Variants in GRID1 observed in about 807,000 individuals in gnomAD.
GRID1 encodes glutamate ionotropic receptor delta type subunit 1.
In GRID1, 28 loss-of-function variants were observed where a neutral mutation model predicts 98.0. That is an observed-to-expected ratio of 0.29 (90% CI 0.21 to 0.39). The LOEUF is 0.39. Among genes scored for constraint, GRID1 ranks in the 10% least tolerant of loss-of-function variants. The probability of loss-of-function intolerance (pLI) is 1.00; values close to 1 mark genes in which losing one functional copy is unlikely to be tolerated. For synonymous variants in GRID1, 553 were observed against 538.5 expected (o/e 1.03, Z -0.37); for missense variants, 1,111 against 1,340.5 (o/e 0.83, Z 2.67).
intron 4 of GRID1, among the ~76,000 whole-genome samples, chr10:86,133,632 A>T (rs549502817): frequency 6.6e-6 from 1 of 152,378 alleles, no homozygotes; most frequent in East Asian, 1.9e-4. Context: ...GTACACACAC[A>T]CAAAAACAGC....
intron 4 of GRID1, among the ~76,000 whole-genome samples, chr10:85,963,483 G>A (rs1400730554): frequency 6.6e-6 from 1 of 152,130 alleles, no homozygotes; most frequent in Non-Finnish European, 1.5e-5. Context: ...AGTCAGACTT[G>A]TGCTCAAACC....
intron 12 of GRID1, among the ~76,000 whole-genome samples, chr10:85,693,576 T>C (rs1194338539): frequency 1.3e-5 from 2 of 151,750 alleles, no homozygotes; most frequent in East Asian, 3.9e-4. Context: ...GGTACTGGTA[T>C]AAAAATAAAT....
chr10:86,053,850 A>G (rs1843537327), intron 4 of GRID1, among the ~76,000 whole-genome samples: 1 of 152,186 alleles, frequency 6.6e-6, no homozygotes, highest in African/African-American at 2.4e-5. Context: ...ACACATGCTC[A>G]TATGTGTGCA....
At chr10:85,633,014 T>C (rs1369499729) in intron 13 of GRID1, among the ~76,000 whole-genome samples, 2 of 152,206 alleles carry the variant, frequency 1.3e-5, no homozygotes, top group African/African-American at 2.4e-5. Flanking sequence ...CTGAAGATAA[T>C]GGCTTCCAGC....
At chr10:85,736,441 C>T (rs1381093746) in intron 8 of GRID1, among the ~76,000 whole-genome samples, 2 of 152,126 alleles carry the variant, frequency 1.3e-5, no homozygotes, top group Non-Finnish European at 2.9e-5. Context: ...AGTTGGTAAG[C>T]TTGTCTCAAG....
intron 2 of GRID1, among the ~76,000 whole-genome samples, chr10:86,253,936 G>C (rs1846875116): frequency 6.6e-6 from 1 of 151,964 alleles, no homozygotes; most frequent in Non-Finnish European, 1.5e-5. Context: ...CCTCCATCTG[G>C]GACAGGCAGC....
intron 4 of GRID1, among the ~76,000 whole-genome samples, chr10:86,026,195 C>A (rs1160197624): frequency 6.6e-6 from 1 of 152,190 alleles, no homozygotes; most frequent in African/African-American, 2.4e-5. Flanking sequence ...GATATAAGCG[C>A]CACACCACAA....
Position 85,771,334 on chromosome 10 carries a change from G to T in GRID1, c.1234-41720C>A, listed in dbSNP as rs190053977. 3.1e-3 allele frequency among the ~76,000 whole-genome samples: 465 copies of T among 152,242 alleles called. 3 individuals are homozygous for T. Among genetic ancestry groups the T allele is most frequent in the African/African-American group, 0.011 (445 of 41,534 alleles). On this transcript the variant is annotated intron_variant, in intron 8 of 15. Transcript: ENST00000327946. ...GCTCCTGAAGGAAGCACTAAACATG[G>T]AAAGGAACAACCGGTACCAGCCACT... is the stretch of plus-strand genomic sequence containing the variant.
chr10:85,784,012 C>G (rs1484180928), intron 8 of GRID1, among the ~76,000 whole-genome samples: 1 of 152,168 alleles, frequency 6.6e-6, no homozygotes, highest in Non-Finnish European at 1.5e-5. Flanking sequence ...TGTTCAGCTT[C>G]TTCGTGATTT....
rs544945680 is a variant in GRID1, at chr10:85,751,844, C to T, written c.1234-22230G>A. On this transcript the variant is annotated intron_variant, in intron 8 of 15. Transcript: ENST00000327946. ...AACTTTCCATAATGAGCTTGATGTG[C>T]TTTTATAATGAGCAAAATTAAGTAT... 8.5e-5 allele frequency among the ~76,000 whole-genome samples: 13 copies of T among 152,052 alleles called. No individual in the cohort carries two copies. The South Asian group carries it at 2.7e-3, about 32-fold the overall frequency.
intron 8 of GRID1, among the ~76,000 whole-genome samples, chr10:85,776,954 G>A (rs1328227631): frequency 6.6e-6 from 1 of 152,228 alleles, no homozygotes; most frequent in East Asian, 1.9e-4. Context: ...AAATGCATTT[G>A]CTACCTATAG....
chr10:86,130,796 C>T (rs1844824088), intron 4 of GRID1, among the ~76,000 whole-genome samples: 1 of 152,184 alleles, frequency 6.6e-6, no homozygotes, highest in Admixed American at 6.5e-5. Flanking sequence ...ACGCTTAAGC[C>T]ATCTGCAGAT....
At chr10:85,619,626 G>A (rs1034028311) in intron 14 of GRID1, among the ~76,000 whole-genome samples, 4 of 152,122 alleles carry the variant, frequency 2.6e-5, no homozygotes. Context: ...TATGCCCTAG[G>A]CTGGCATTAC....
intron 8 of GRID1, among the ~76,000 whole-genome samples, chr10:85,831,530 G>A (rs1564603922): frequency 6.6e-6 from 1 of 151,900 alleles, no homozygotes; most frequent in Non-Finnish European, 1.5e-5. Context: ...CTTTTCAAGG[G>A]CACATGAAAT....
intron 5 of GRID1, among the ~76,000 whole-genome samples, chr10:85,872,878 C>T (rs1843292324): frequency 6.6e-6 from 1 of 152,218 alleles, no homozygotes. Context: ...CTACCCACCT[C>T]CTTGCACTTG....
chr10:85,934,028 G>A (rs910623538), intron 4 of GRID1, among the ~76,000 whole-genome samples: 2 of 152,164 alleles, frequency 1.3e-5, no homozygotes, highest in African/African-American at 2.4e-5. Flanking sequence ...CAGTGAGGGT[G>A]AATTTGCAGG....
rs967967884 is a variant in GRID1 at position 86,096,334 on chromosome 10, A to G, written c.726+42485T>C. On this transcript the variant is annotated intron_variant, in intron 4 of 15. Transcript: ENST00000327946. ...ACCAAATAACACCTGTACCCCAATAACTTATGGAAAAAAAAGAAATAATGG... is the reference window on the plus strand; with the variant it reads ...ACCAAATAACACCTGTACCCCAATAGCTTATGGAAAAAAAAGAAATAATGG... 7.2e-5 allele frequency among the ~76,000 whole-genome samples: 11 copies of G among 152,158 alleles called. No individual in the cohort carries two copies. In the South Asian group the frequency reaches 2.3e-3, roughly 32 times the overall value.
intron 2 of GRID1, among the ~76,000 whole-genome samples, chr10:86,213,938 C>G (rs2132024761): frequency 6.6e-6 from 1 of 152,264 alleles, no homozygotes; most frequent in Middle Eastern, 3.4e-3. Flanking sequence ...CACCACCAGG[C>G]CTGAATGCTT....
chr10:85,922,776 A>G (rs923933721), intron 4 of GRID1, among the ~76,000 whole-genome samples: 26 of 152,210 alleles, frequency 1.7e-4, no homozygotes, highest in African/African-American at 5.8e-4. Context: ...GTTTAAAAGG[A>G]AATCAGCAAA....
Sources: gnomAD v4.1 joint callset for allele counts (sites outside exome capture counted in the v4.1 genomes callset) on GRCh38, gnomAD v4.1.1 for gene constraint, MANE v1.5 for transcripts, NCBI Gene and HGNC (gene_info 2026-07-23, HGNC 2026-07-21) for gene names.